The following LHFPL4 variants were observed in gnomAD, a reference collection of about 807,000 sequenced individuals.
The protein encoded by LHFPL4 is LHFPL tetraspan subfamily member 4 protein.
In LHFPL4, 6 loss-of-function variants were observed where a neutral mutation model predicts 20.0. The observed-to-expected ratio is 0.30, with a 90% CI of 0.16 to 0.59. The LOEUF (loss-of-function observed/expected upper bound fraction) is 0.59. Ranked by LOEUF, LHFPL4 falls within the 20% of genes least tolerant of loss-of-function variation. The pLI is 0.88. For missense variants in LHFPL4, 215 were observed against 331.2 expected (o/e 0.65, Z 2.72); for synonymous variants, 129 against 143.8 (o/e 0.90, Z 0.74).
chr3:9,516,273 ATAT>A (rs1006245039), intron 2 of LHFPL4, among the ~76,000 whole-genome samples: 8 of 151,778 alleles, frequency 5.3e-5, no homozygotes, highest in East Asian at 1.9e-4. Context: ...GTCTATGTCC[ATAT>A]TATTATTATT....
At chr3:9,520,268 C>T (rs1168003233) in intron 2 of LHFPL4, among the ~76,000 whole-genome samples, 1 of 152,022 alleles carries the variant, frequency 6.6e-6, no homozygotes, top group Non-Finnish European at 1.5e-5. Context: ...CAAGACTGGG[C>T]AACATAGTGT....
chr3:9,545,737 T>C (rs1233301223), intron 2 of LHFPL4, among the ~76,000 whole-genome samples: 2 of 147,588 alleles, frequency 1.4e-5, no homozygotes, highest in South Asian at 2.2e-4. Flanking sequence ...ATAAATAAGA[T>C]AAAATAAAAT....
chr3:9,547,556 T>C (rs2046523424), intron 2 of LHFPL4, among the ~76,000 whole-genome samples: 1 of 152,252 alleles, frequency 6.6e-6, no homozygotes, highest in Admixed American at 6.5e-5. Context: ...ATGTGTGACC[T>C]TGGAGCAAGT....
chr3:9,519,604 G>A (rs1389779110), intron 2 of LHFPL4, among the ~76,000 whole-genome samples: 1 of 151,954 alleles, frequency 6.6e-6, no homozygotes, highest in Admixed American at 6.6e-5. Flanking sequence ...TCATCAACAG[G>A]TTGTAGTGCA....
At chr3:9,527,809 A>ACACAC (rs2046384770) in intron 2 of LHFPL4, among the ~76,000 whole-genome samples, 3 of 143,284 alleles carry the variant, frequency 2.1e-5, no homozygotes, top group East Asian at 2.1e-4. Flanking sequence ...TTCAAATACA[A>ACACAC]ACACACACAC....
intron 2 of LHFPL4, among the ~76,000 whole-genome samples, chr3:9,542,757 T>C (rs4686349): frequency 0.47 from 69,398 of 147,714 alleles, 16,628 homozygotes; most frequent in South Asian, 0.57. Context: ...CAGTGAGCTA[T>C]GATTGCAACA....
At chr3:9,551,308 A>G (rs961813702) in intron 2 of LHFPL4, among the ~76,000 whole-genome samples, 3 of 152,066 alleles carry the variant, frequency 2.0e-5, no homozygotes, top group African/African-American at 4.8e-5. Flanking sequence ...GAAGACTCCA[A>G]ACTTTTCCCT....
intron 2 of LHFPL4, among the ~76,000 whole-genome samples, chr3:9,514,113 G>T (rs1405775784): frequency 6.6e-6 from 1 of 152,108 alleles, no homozygotes; most frequent in Admixed American, 6.6e-5. Context: ...GGGTACAGTT[G>T]TATATGTTGT....
chr3:9,522,163 G>A (rs2648414), intron 2 of LHFPL4, among the ~76,000 whole-genome samples: 145,343 of 151,612 alleles, frequency 0.96, 69,715 homozygotes, highest in Middle Eastern at 0.99. Flanking sequence ...TATTATTATT[G>A]TTATTATTTT....
intron 2 of LHFPL4, among the ~76,000 whole-genome samples, chr3:9,548,104 C>T (rs996724806): frequency 2.0e-5 from 3 of 152,176 alleles, no homozygotes; most frequent in Non-Finnish European, 4.4e-5. Context: ...CCGAGCCTGG[C>T]TGATCTCCGG....
intron 2 of LHFPL4, among the ~76,000 whole-genome samples, chr3:9,518,925 GTTTATTTATTTA>G (rs111239616): frequency 4.8e-5 from 7 of 145,144 alleles, no homozygotes; most frequent in African/African-American, 1.8e-4. Flanking sequence ...GCTAATTTTT[GTTTATTTATTTA>G]TTTATTTATT....
At chr3:9,548,327 T>C (rs921949874) in intron 2 of LHFPL4, among the ~76,000 whole-genome samples, 7 of 152,238 alleles carry the variant, frequency 4.6e-5, no homozygotes, top group African/African-American at 1.4e-4. Context: ...ATAACAGTCA[T>C]AGCAGTATCC....
At chr3:9,508,934 C>A (rs552018413) in intron 2 of LHFPL4, among the ~76,000 whole-genome samples, 169 of 152,316 alleles carry the variant, frequency 1.1e-3, no homozygotes, top group African/African-American at 3.9e-3. Context: ...AAACCCACAC[C>A]GTCCCTTTGC....
intron 3 of LHFPL4, among the ~76,000 whole-genome samples, chr3:9,504,880 G>A (rs1201955602): frequency 6.6e-6 from 1 of 150,438 alleles, no homozygotes; most frequent in Non-Finnish European, 1.5e-5. Context: ...ACATTGCTTA[G>A]TTTTGCTTAC....
chr3:9,516,940 G>C (rs374655322), intron 2 of LHFPL4, among the ~76,000 whole-genome samples: 2 of 151,210 alleles, frequency 1.3e-5, no homozygotes, highest in African/African-American at 4.9e-5. Context: ...CCACCACGCC[G>C]GGCTGATTTT....
intron 2 of LHFPL4, among the ~76,000 whole-genome samples, chr3:9,521,471 A>C (rs904056515): frequency 1.3e-5 from 2 of 151,144 alleles, no homozygotes; most frequent in African/African-American, 4.9e-5. Flanking sequence ...GCACGATCTC[A>C]GCTCACTGCA....
Position 9,501,969 on chromosome 3 carries a change from G to GCTC in LHFPL4, c.*239_*241dup, listed in dbSNP as rs2046179747. 1 of 555,324 alleles carries GCTC rather than the reference G, an allele frequency of 1.8e-6. No individual in the cohort carries two copies. 34.4% of individuals were successfully genotyped at this position (555,324 alleles called of 1,614,324 possible). ...AGCCCAAGGGCCTACGCAGATGCAG[G>GCTC]CTCCCTTAGGTCAAATTGAGGGAGG... On this transcript the variant is annotated 3_prime_UTR_variant, in exon 4 of 4. Coordinates refer to ENST00000287585, the MANE Select transcript of LHFPL4 (RefSeq NM_198560.3).
At chr3:9,546,772 G>C (rs1465161516) in intron 2 of LHFPL4, among the ~76,000 whole-genome samples, 1 of 152,136 alleles carries the variant, frequency 6.6e-6, no homozygotes, top group African/African-American at 2.4e-5. Flanking sequence ...CTCTTCCCTC[G>C]GACTATGTCA....
chr3:9,510,102 C>A (rs183522299), intron 2 of LHFPL4, among the ~76,000 whole-genome samples: 177 of 152,278 alleles, frequency 1.2e-3, no homozygotes, highest in Middle Eastern at 3.4e-3. Context: ...TTAGCATCAT[C>A]GGTGGCCTCT....
Sources: gnomAD v4.1 joint callset for allele counts (sites outside exome capture counted in the v4.1 genomes callset) on GRCh38, gnomAD v4.1.1 for gene constraint, MANE v1.5 for transcripts, NCBI Gene and HGNC (gene_info 2026-07-23, HGNC 2026-07-21) for gene names.